VSNL1: variants seen among roughly 807,000 people sequenced by gnomAD.
VSNL1 encodes the protein visinin like 1.
VSNL1 carries 6 observed loss-of-function variants against 20.4 expected under a neutral mutation model. That is an observed-to-expected ratio of 0.29 (90% CI 0.16 to 0.58). VSNL1 has a LOEUF of 0.58. Among genes scored for constraint, VSNL1 ranks in the 20% least tolerant of loss-of-function variants. The pLI is 0.90. For synonymous variants in VSNL1, 93 were observed against 86.4 expected, an observed-to-expected ratio of 1.08 and a Z score of -0.42; for missense variants, 100 against 234.5, an observed-to-expected ratio of 0.43 and a Z score of 3.75.
chr2:17,576,363 T>G (rs1444303863), intron 1 of VSNL1, among the ~76,000 whole-genome samples: 1 of 152,214 alleles, frequency 6.6e-6, no homozygotes, highest in Non-Finnish European at 1.5e-5. Flanking sequence ...AAAATGAAAA[T>G]GCAATAAATA....
chr2:17,572,531 A>C (rs1664107771), intron 1 of VSNL1, among the ~76,000 whole-genome samples: 1 of 152,194 alleles, frequency 6.6e-6, no homozygotes, highest in Non-Finnish European at 1.5e-5. Flanking sequence ...AGGAGGAAGA[A>C]AAAGAAGAAG....
intron 2 of VSNL1, among the ~76,000 whole-genome samples, chr2:17,609,562 C>T (rs1006620081): frequency 6.6e-6 from 1 of 152,154 alleles, no homozygotes; most frequent in African/African-American, 2.4e-5. Context: ...GCAGCTATGT[C>T]AGCTTTCTTC....
intron 2 of VSNL1, among the ~76,000 whole-genome samples, chr2:17,594,459 T>C (rs1031715970): frequency 1.3e-5 from 2 of 152,100 alleles, no homozygotes; most frequent in African/African-American, 4.8e-5. Flanking sequence ...AGGAGAAGCC[T>C]GGAAAAAGAT....
chr2:17,633,113 T>A (rs2103414060), intron 2 of VSNL1, among the ~76,000 whole-genome samples: 1 of 152,230 alleles, frequency 6.6e-6, no homozygotes, highest in South Asian at 2.1e-4. Flanking sequence ...TGAAGGCGAA[T>A]GAGGAGCAAA....
chr2:17,635,674 G>A (rs1446251881), intron 2 of VSNL1, among the ~76,000 whole-genome samples: 1 of 152,182 alleles, frequency 6.6e-6, no homozygotes, highest in African/African-American at 2.4e-5. Flanking sequence ...CACCTCAGAG[G>A]ACTGTTGTGA....
intron 1 of VSNL1, among the ~76,000 whole-genome samples, chr2:17,575,491 T>C (rs1664186867): frequency 6.6e-6 from 1 of 152,188 alleles, no homozygotes; most frequent in Non-Finnish European, 1.5e-5. Flanking sequence ...TTCTCAACCT[T>C]ATATAGGGAA....
chr2:17,550,962 C>T (rs1663520356), intron 1 of VSNL1, among the ~76,000 whole-genome samples: 1 of 152,196 alleles, frequency 6.6e-6, no homozygotes, highest in Non-Finnish European at 1.5e-5. Context: ...GGGAAGAAAT[C>T]ATGTCTGATA....
intron 1 of VSNL1, among the ~76,000 whole-genome samples, chr2:17,572,859 A>C (rs1054435720): frequency 6.6e-6 from 1 of 152,150 alleles, no homozygotes; most frequent in Non-Finnish European, 1.5e-5. Flanking sequence ...TTCTCATGTG[A>C]AGCTTCTCTC....
intron 2 of VSNL1, among the ~76,000 whole-genome samples, chr2:17,597,790 G>A (rs1452938949): frequency 1.3e-5 from 2 of 152,138 alleles, no homozygotes; most frequent in Non-Finnish European, 2.9e-5. Flanking sequence ...AGTTTATTGG[G>A]CATTGCCTTC....
At chr2:17,597,093 G>A (rs913911280) in intron 2 of VSNL1, among the ~76,000 whole-genome samples, 1 of 152,178 alleles carries the variant, frequency 6.6e-6, no homozygotes, top group Non-Finnish European at 1.5e-5. Context: ...ATGTGCCCTA[G>A]TCAAATAGTG....
chr2:17,582,298 TCA>T (rs1011544011), intron 1 of VSNL1, among the ~76,000 whole-genome samples: 2 of 152,068 alleles, frequency 1.3e-5, no homozygotes, highest in African/African-American at 4.8e-5. Flanking sequence ...GAAGCCATGC[TCA>T]CAGTTGGAAT....
intron 1 of VSNL1, chr2:17,567,256 T>G (rs1663969749): frequency 6.6e-6 from 1 of 151,978 alleles, no homozygotes; most frequent in African/African-American, 2.4e-5. Context: ...AGTTCTATAG[T>G]TTTCTCCATA....
chr2:17,627,410 A>G (rs1382476784), intron 2 of VSNL1, among the ~76,000 whole-genome samples: 6 of 152,212 alleles, frequency 3.9e-5, no homozygotes, highest in African/African-American at 1.4e-4. Flanking sequence ...TTATCAAGAC[A>G]CGGGAATTGC....
intron 2 of VSNL1, among the ~76,000 whole-genome samples, chr2:17,627,045 C>T (rs1016140325): frequency 1.3e-5 from 2 of 152,190 alleles, no homozygotes; most frequent in Admixed American, 6.5e-5. Flanking sequence ...AGCAGTTTCA[C>T]CCTCATTTCA....
At chr2:17,647,259 T>C (rs1666018450) in intron 2 of VSNL1, among the ~76,000 whole-genome samples, 1 of 152,146 alleles carries the variant, frequency 6.6e-6, no homozygotes, top group South Asian at 2.1e-4. Flanking sequence ...GTTAAAGCAT[T>C]ACAGTGCCAG....
rs138132015 is a variant in VSNL1 at position 17,613,830 on chromosome 2, C to A, written c.162+21594C>A. On this transcript the variant is annotated intron_variant, in intron 2 of 3. Coordinates refer to ENST00000295156, the MANE Select transcript of VSNL1 (RefSeq NM_003385.5). ...CATCCCATAGAAATGTAAATAGCTT[C>A]TTCCATTTAAATGGTTGCATGTAGG... Among the ~76,000 whole-genome samples, 30 of 152,330 alleles carry A rather than the reference C, an allele frequency of 2.0e-4. No homozygotes were observed. The East Asian group carries it at 3.5e-3, about 18-fold the overall frequency.
chr2:17,617,333 A>G (rs561126442), intron 2 of VSNL1, among the ~76,000 whole-genome samples: 2 of 152,188 alleles, frequency 1.3e-5, no homozygotes, highest in Non-Finnish European at 2.9e-5. Flanking sequence ...TGTCTTTACT[A>G]AAAAATACAA....
intron 1 of VSNL1, 184 bp downstream of exon 1, chr2:17,541,102 A>G (rs1663275865): frequency 8.6e-6 from 1 of 116,428 alleles, no homozygotes; most frequent in African/African-American, 3.4e-5. Flanking sequence ...ATCTTTTGGA[A>G]TATTGGGGGT....
intron 1 of VSNL1, among the ~76,000 whole-genome samples, chr2:17,556,662 C>T (rs1663685415): frequency 6.6e-6 from 1 of 152,102 alleles, no homozygotes; most frequent in African/African-American, 2.4e-5. Flanking sequence ...TAACTAAGTC[C>T]CACAGTTCTT....
Sources: allele counts gnomAD v4.1 joint callset (sites outside exome capture counted in the v4.1 genomes callset), GRCh38; gene constraint gnomAD v4.1.1; transcripts MANE v1.5; gene names NCBI Gene and HGNC (gene_info 2026-07-23, HGNC 2026-07-21).